Variants in EPB41L1 observed in about 807,000 individuals in gnomAD.
EPB41L1 encodes the protein band 4.1-like protein 1.
In EPB41L1, 29 loss-of-function variants were observed where a neutral mutation model predicts 97.8. That is an observed-to-expected ratio of 0.30 (90% CI 0.22 to 0.40). The LOEUF (loss-of-function observed/expected upper bound fraction) is 0.40, where lower values mean the gene tolerates loss of function less well. EPB41L1 is among the 10% of genes least tolerant of loss of function. The pLI, the probability that EPB41L1 is intolerant of heterozygous loss-of-function variation, is 1.00. For missense variants in EPB41L1, 812 were observed against 1,162.3 expected, an observed-to-expected ratio of 0.70 and a Z score of 4.38; for synonymous variants, 383 against 459.2, an observed-to-expected ratio of 0.83 and a Z score of 2.12.
intron 2 of EPB41L1, chr20:36,125,616 G>A (rs780082658): frequency 7.5e-5 from 113 of 1,507,516 alleles, no homozygotes; most frequent in Non-Finnish European, 9.7e-5. Context: ...CTTTGGAGTG[G>A]CAGGAGTTTC....
At chr20:36,203,130 C>T (rs1187495873) in intron 14 of EPB41L1, among the ~76,000 whole-genome samples, 4 of 152,230 alleles carry the variant, frequency 2.6e-5, no homozygotes, top group African/African-American at 7.2e-5. Flanking sequence ...CGGGTTAGAA[C>T]GACTTTCACG....
intron 2 of EPB41L1, among the ~76,000 whole-genome samples, chr20:36,134,396 G>A (rs1476142159): frequency 2.6e-5 from 4 of 152,158 alleles, no homozygotes; most frequent in Non-Finnish European, 5.9e-5. Context: ...CCATGTACAC[G>A]AGGGGTGGGA....
At chr20:36,224,540 G>A (rs2063991635) in intron 21 of EPB41L1, among the ~76,000 whole-genome samples, 1 of 152,172 alleles carries the variant, frequency 6.6e-6, no homozygotes, top group Non-Finnish European at 1.5e-5. Context: ...CAGCTACTAG[G>A]GAGGCTGAGG....
rs150352070 is a variant in EPB41L1 at position 36,132,902 on chromosome 20, G to A, written c.-10+20422G>A. Among the ~76,000 whole-genome samples, 1,277 of 152,330 alleles carry A rather than the reference G, an allele frequency of 8.4e-3. 24 individuals are homozygous for A. The highest frequency in any genetic ancestry group is 0.029 in the African/African-American group (1,196 of 41,570). The stretch of plus-strand genomic sequence containing the variant: ...TGCCACAGAAAGCCAAGCAGCACCC[G>A]CTCCACACACCACCATCACTGCTGT... On this transcript the variant is annotated intron_variant, in intron 2 of 19. Transcript: ENST00000202028.
intron 2 of EPB41L1, among the ~76,000 whole-genome samples, chr20:36,113,408 TTG>T (rs3057822): frequency 0.094 from 13,485 of 143,130 alleles, 684 homozygotes; most frequent in Admixed American, 0.15. Flanking sequence ...AACTTTCCAT[TTG>T]TGTGTGTGTG....
chr20:36,156,991 C>G (rs544138059), intron 1 of EPB41L1, among the ~76,000 whole-genome samples: 1 of 152,064 alleles, frequency 6.6e-6, no homozygotes, highest in Non-Finnish European at 1.5e-5. Flanking sequence ...TTTGGGAGGA[C>G]GAGGCGGGCA....
chr20:36,126,248 C>G (rs1455701742), intron 2 of EPB41L1, among the ~76,000 whole-genome samples: 1 of 152,120 alleles, frequency 6.6e-6, no homozygotes, highest in East Asian at 1.9e-4. Flanking sequence ...GCAGCTTGGC[C>G]TCCTTTGGTG....
At chr20:36,175,416 G>C in intron 2 of EPB41L1, 135 bp from the exon 3 acceptor site, 1 of 1,006,896 alleles carries the variant, frequency 9.9e-7, no homozygotes, top group Non-Finnish European at 1.5e-6. Context: ...TAGTTGCCCT[G>C]TGGGTCTCAG....
At chr20:36,135,625 C>G (rs1451213296) in intron 2 of EPB41L1, among the ~76,000 whole-genome samples, 1 of 152,274 alleles carries the variant, frequency 6.6e-6, no homozygotes, top group Non-Finnish European at 1.5e-5. Context: ...GCCCCTGCCT[C>G]CTTCCTGCTT....
chr20:36,186,353 A>T (rs148891839), intron 7 of EPB41L1, among the ~76,000 whole-genome samples: 81 of 152,298 alleles, frequency 5.3e-4, no homozygotes, highest in African/African-American at 1.9e-3. Context: ...GGAAAGGAGT[A>T]TGGTGATATT....
At chr20:36,177,103 T>A (rs1340333187) in intron 3 of EPB41L1, among the ~76,000 whole-genome samples, 1 of 152,166 alleles carries the variant, frequency 6.6e-6, no homozygotes, top group Non-Finnish European at 1.5e-5. Context: ...TCTCTGATGA[T>A]CTCCAGGTTC....
chr20:36,154,708 C>A, upstream of EPB41L1: 1 of 983,984 alleles, frequency 1.0e-6, no homozygotes, highest in Non-Finnish European at 1.2e-6. This position sits in a 1 kb window ranked among gnomAD's most constrained non-coding sequence, Gnocchi z 5.5. Context: ...CCCTGGCGCA[C>A]GCCGAGCCGC....
rs1420550898 is a variant in EPB41L1, at chr20:36,209,303, T to G, written c.1669-185T>G. On this transcript the variant is annotated intron_variant, in intron 14 of 21. Transcript: ENST00000338074. This position sits in a 1 kb window ranked among gnomAD's most constrained non-coding sequence, Gnocchi z 4.2. ...CATCTCCACTCTTGAGTCGTTTTTG[T>G]TTTTTTTATGCTTGTTATGATTTCA... Among the ~76,000 whole-genome samples the G allele has an allele frequency of 6.6e-6, 1 of 151,962 alleles. No individual in the cohort carries two copies. The highest frequency in any genetic ancestry group is 1.5e-5 in the Non-Finnish European group (1 of 67,950).
At chr20:36,215,278 C>A (rs1242735810) in intron 17 of EPB41L1, among the ~76,000 whole-genome samples, 1 of 152,020 alleles carries the variant, frequency 6.6e-6, no homozygotes, top group Non-Finnish European at 1.5e-5. Context: ...GCCAGGTTAT[C>A]CCCAGGCCTT....
chr20:36,211,003 T>C (rs1218773809), intron 15 of EPB41L1, among the ~76,000 whole-genome samples: 1 of 151,684 alleles, frequency 6.6e-6, no homozygotes, highest in Admixed American at 6.6e-5. Context: ...AGCCCAGGAG[T>C]TCGAGGCTAC....
At chr20:36,213,918 T>C (rs2063288030) in intron 16 of EPB41L1, among the ~76,000 whole-genome samples, 1 of 152,204 alleles carries the variant, frequency 6.6e-6, no homozygotes, top group South Asian at 2.1e-4. Flanking sequence ...AGACCCACCT[T>C]ACTCTTGATC....
At position 36,154,823 on chromosome 20, in the gene EPB41L1, C is replaced by A; in HGVS notation, c.-88C>A. 1 of 993,294 alleles carries A rather than the reference C, an allele frequency of 1.0e-6. No homozygotes were observed. The highest frequency in any genetic ancestry group is 1.2e-6 in the Non-Finnish European group (1 of 834,948). The allele number at this position is 993,294 out of a possible 1,614,324, so 61.5% of individuals were successfully genotyped here. On this transcript the variant is annotated 5_prime_UTR_variant, in exon 1 of 22. Coordinates refer to ENST00000338074, the MANE Select transcript of EPB41L1 (RefSeq NM_012156.2). This position sits in a 1 kb window ranked among gnomAD's most constrained non-coding sequence, Gnocchi z 5.5. ...CGCGACCCCGCGCCGCCCCGCCCCG[C>A]GGCCTGCCTGCCAGAGGAGCCGAGG...
chr20:36,163,675 T>C (rs1431177812), intron 1 of EPB41L1, among the ~76,000 whole-genome samples: 1 of 152,082 alleles, frequency 6.6e-6, no homozygotes, highest in African/African-American at 2.4e-5. Context: ...ACAGAAGGCA[T>C]TACTAGCTCT....
At chr20:36,107,153 G>T (rs147857652) in intron 1 of EPB41L1, among the ~76,000 whole-genome samples, 1 of 149,918 alleles carries the variant, frequency 6.7e-6, no homozygotes, top group Non-Finnish European at 1.5e-5. Context: ...TTAAAAGAAT[G>T]CTCCCTTCAT....
Sources: allele counts gnomAD v4.1 joint callset (sites outside exome capture counted in the v4.1 genomes callset), GRCh38; gene constraint gnomAD v4.1.1; non-coding constraint Gnocchi (gnomAD v3.1); transcripts MANE v1.5; gene names NCBI Gene and HGNC (gene_info 2026-07-23, HGNC 2026-07-21).